CNTN5: variants seen among roughly 807,000 people sequenced by gnomAD.
CNTN5 encodes contactin-5.
A neutral mutation model predicts 129.1 loss-of-function variants in CNTN5; 77 were observed. The observed-to-expected ratio is 0.60, with a 90% CI of 0.50 to 0.72. The LOEUF (loss-of-function observed/expected upper bound fraction) is 0.72, where lower values mean the gene tolerates loss of function less well. CNTN5 is among the 30% of genes least tolerant of loss of function. The probability of loss-of-function intolerance (pLI) is 0.00; values close to 1 mark genes in which losing one functional copy is unlikely to be tolerated. For synonymous variants in CNTN5, 509 were observed against 465.6 expected (o/e 1.09, Z -1.20); for missense variants, 1,478 against 1,328.8 (o/e 1.11, Z -1.75).
intron 8 of CNTN5, among the ~76,000 whole-genome samples, chr11:99,963,098 T>G (rs1002997764): frequency 2.0e-5 from 3 of 152,204 alleles, no homozygotes. Flanking sequence ...TTTTCTCCCA[T>G]TCTGTAGGTT....
At chr11:99,701,387 CAATAGGTAATAG>C (rs1265828461) in intron 3 of CNTN5, among the ~76,000 whole-genome samples, 1 of 150,920 alleles carries the variant, frequency 6.6e-6, no homozygotes, top group Non-Finnish European at 1.5e-5. Context: ...TCTATTTTTT[CAATAGGTAATAG>C]AATACAAGCT....
intron 4 of CNTN5, among the ~76,000 whole-genome samples, chr11:99,841,949 C>T (rs181542206): frequency 2.1e-4 from 32 of 151,034 alleles, no homozygotes; most frequent in Admixed American, 3.3e-4. Flanking sequence ...TGCAGTGGAG[C>T]GATCTCAGCT....
At chr11:99,533,471 C>T (rs1947789873) in intron 2 of CNTN5, among the ~76,000 whole-genome samples, 1 of 152,208 alleles carries the variant, frequency 6.6e-6, no homozygotes, top group African/African-American at 2.4e-5. Context: ...CTTGCCTCCT[C>T]ACTTGGTTCT....
chr11:99,653,505 A>C (rs1279463828), intron 3 of CNTN5, among the ~76,000 whole-genome samples: 23 of 152,052 alleles, frequency 1.5e-4, no homozygotes, highest in Non-Finnish European at 2.9e-5. Flanking sequence ...ACCATATTTA[A>C]AGAAAGTGTG....
At chr11:99,316,808 G>C (rs138763253) in intron 1 of CNTN5, among the ~76,000 whole-genome samples, 191 of 152,152 alleles carry the variant, frequency 1.3e-3, no homozygotes, top group Admixed American at 4.6e-3. Flanking sequence ...AGAGCAATCG[G>C]AGGAAATAGT....
chr11:100,324,562 T>C (rs1403435554), intron 21 of CNTN5, among the ~76,000 whole-genome samples: 1 of 152,148 alleles, frequency 6.6e-6, no homozygotes, highest in Non-Finnish European at 1.5e-5. Context: ...TTAAATGCTC[T>C]TAGAATTTTT....
At chr11:99,453,061 C>T (rs974817186) in intron 2 of CNTN5, among the ~76,000 whole-genome samples, 4 of 152,148 alleles carry the variant, frequency 2.6e-5, no homozygotes, top group Non-Finnish European at 5.9e-5. Flanking sequence ...AGGCATTTCT[C>T]AGATTCAAAA....
intron 2 of CNTN5, among the ~76,000 whole-genome samples, chr11:99,402,335 T>C (rs1041589738): frequency 4.6e-5 from 7 of 152,140 alleles, no homozygotes; most frequent in African/African-American, 1.7e-4. Flanking sequence ...GATCATATGG[T>C]TTTTGTCCTA....
chr11:100,231,093 G>A (rs915532854), intron 16 of CNTN5, among the ~76,000 whole-genome samples: 49 of 152,194 alleles, frequency 3.2e-4, no homozygotes, highest in African/African-American at 1.1e-3. Context: ...GTTCTAGAGT[G>A]CGAGAGGGAG....
At chr11:99,875,480 T>C (rs962696363) in intron 6 of CNTN5, among the ~76,000 whole-genome samples, 3 of 151,962 alleles carry the variant, frequency 2.0e-5, no homozygotes, top group East Asian at 1.9e-4. Context: ...CTGAATAATA[T>C]AGGAAGCTCA....
chr11:100,299,314 C>G lies in CNTN5; in HGVS notation c.2538C>G (p.Pro846=). The G allele has an allele frequency of 4.3e-6, 7 of 1,610,518 alleles. No homozygotes were observed. The highest frequency in any genetic ancestry group is 5.9e-6 in the Non-Finnish European group (7 of 1,177,674). Reference sequence around the variant, plus strand: ...ATGAAAGTGTCCCTCCTCTTACTCCCTTTGAAGTGAAAGTTGGCGTTTATA... The same window carrying G: ...ATGAAAGTGTCCCTCCTCTTACTCCGTTTGAAGTGAAAGTTGGCGTTTATA... ...YRDESVPPLT[P]FEVKVGVYNN... Residue 846 remains proline, a synonymous_variant, in exon 20 of 25, where the codon CCC becomes CCG. Coordinates refer to ENST00000524871, the MANE Select transcript of CNTN5 (RefSeq NM_014361.4).
rs778734414 is a variant in CNTN5 at position 100,255,751 on chromosome 11, G to T, written c.2006-9G>T. 5 of 1,612,384 alleles carry T rather than the reference G, an allele frequency of 3.1e-6. No individual in the cohort carries two copies. In the South Asian group the frequency reaches 4.4e-5, roughly 14 times the overall value. On this transcript the variant is annotated splice_polypyrimidine_tract_variant and intron_variant, in intron 16 of 24. Coordinates refer to ENST00000524871, the MANE Select transcript of CNTN5 (RefSeq NM_014361.4). Reference sequence around the variant, plus strand: ...GTGCTTAACTTTATCCATTGCCTTTGACCTATAGGACCCCCAGGCCCACCT... The same window carrying T: ...GTGCTTAACTTTATCCATTGCCTTTTACCTATAGGACCCCCAGGCCCACCT...
intron 6 of CNTN5, among the ~76,000 whole-genome samples, chr11:99,853,339 A>AAT (rs1025498509): frequency 1.3e-5 from 2 of 152,040 alleles, no homozygotes; most frequent in African/African-American, 2.4e-5. Context: ...TGTGTGTGTG[A>AAT]ATATATATAT....
In CNTN5 at chr11:100,070,960, G is replaced by A. The variant is rs117697739; in HGVS notation, c.1299+400G>A. ...TCACCTAAAATTGCTCGGTATCTTC[G>A]TTGATAGACAAAGCACTGCCAACTA... On this transcript the variant is annotated intron_variant, in intron 11 of 24. Transcript: ENST00000524871. Among the ~76,000 whole-genome samples, 101 of 150,642 alleles carry A rather than the reference G, an allele frequency of 6.7e-4. 1 individual carries two copies. The highest frequency in any genetic ancestry group is 4.5e-3 in the East Asian group (23 of 5,126).
intron 3 of CNTN5, among the ~76,000 whole-genome samples, chr11:99,600,449 G>T (rs1359014809): frequency 6.6e-6 from 1 of 152,104 alleles, no homozygotes; most frequent in Non-Finnish European, 1.5e-5. Flanking sequence ...GGTATAAATT[G>T]TAATGGGTAA....
intron 3 of CNTN5, among the ~76,000 whole-genome samples, chr11:99,618,542 C>T (rs1461720489): frequency 6.6e-6 from 1 of 152,124 alleles, no homozygotes; most frequent in African/African-American, 2.4e-5. Flanking sequence ...AATTGGTATC[C>T]TAAGAATTTC....
chr11:99,337,007 A>G (rs78948374), intron 2 of CNTN5, among the ~76,000 whole-genome samples: 2,011 of 152,250 alleles, frequency 0.013, 38 homozygotes, highest in African/African-American at 0.045. Flanking sequence ...TTGAAGTCAC[A>G]TAAGGACACA....
At chr11:99,806,904 A>G (rs1022650965) in intron 3 of CNTN5, among the ~76,000 whole-genome samples, 4 of 151,948 alleles carry the variant, frequency 2.6e-5, no homozygotes, top group Non-Finnish European at 5.9e-5. Context: ...CAAGATAACA[A>G]TGTAAACCTT....
intron 13 of CNTN5, among the ~76,000 whole-genome samples, chr11:100,149,237 C>CAAAAAGTGA (rs1032780861): frequency 6.8e-6 from 1 of 146,314 alleles, no homozygotes; most frequent in Non-Finnish European, 1.5e-5. Flanking sequence ...TATGAAAGTA[C>CAAAAAGTGA]AAAAAGTGAA....
Sources: gnomAD v4.1 joint callset for allele counts (sites outside exome capture counted in the v4.1 genomes callset) on GRCh38, gnomAD v4.1.1 for gene constraint, MANE v1.5 for transcripts, NCBI Gene and HGNC (gene_info 2026-07-23, HGNC 2026-07-21) for gene names.